The following ZNF385D variants were observed in gnomAD, a reference collection of about 807,000 sequenced individuals.
ZNF385D encodes zinc finger protein 659.
Under a neutral mutation model 35.8 loss-of-function variants are expected in ZNF385D, and 15 were observed. That is an observed-to-expected ratio of 0.42 (90% CI 0.28 to 0.64). The LOEUF (loss-of-function observed/expected upper bound fraction) is 0.64. Ranked by LOEUF, ZNF385D falls within the 30% of genes least tolerant of loss-of-function variation. The pLI is 0.23. For missense variants in ZNF385D, 474 were observed against 494.6 expected (o/e 0.96, Z 0.39); for synonymous variants, 212 against 186.8 (o/e 1.13, Z -1.10).
rs576878860 is a variant in ZNF385D at position 21,897,537 on chromosome 3, G to A, written c.326-232509C>T. On this transcript the variant is annotated intron_variant, in intron 3 of 5. Coordinates refer to the ZNF385D transcript ENST00000494108. ...ATTTCTCCTTACTATTTTATATAGG[G>A]TGTGCTGATTGTGGCTAACTCTCAT... is the stretch of plus-strand genomic sequence containing the variant. Among the ~76,000 whole-genome samples the A allele has an allele frequency of 2.8e-4, 43 of 152,106 alleles. No individual in the cohort carries two copies. The South Asian group carries it at 6.2e-3, about 22-fold the overall frequency.
rs113101913 is a variant in ZNF385D, at chr3:21,420,788, C to CTT, written c.*424_*425dup. 16 of 156,224 alleles carry CTT rather than the reference C, an allele frequency of 1.0e-4. No individual in the cohort carries two copies. Among genetic ancestry groups the CTT allele is most frequent in the Middle Eastern group, 3.4e-3 (1 of 296 alleles). The allele number at this position is 156,224 out of a possible 1,614,324, so 9.7% of individuals were successfully genotyped here. On this transcript the variant is annotated 3_prime_UTR_variant, in exon 8 of 8. Coordinates refer to ENST00000281523, the MANE Select transcript of ZNF385D (RefSeq NM_024697.3). ...TGTTGCTTTTGTTTTTGTTTTTTTC[C>CTT]TTTTTTTTTGTACGATTTTAATCTA...
chr3:21,963,383 G>T (rs17583756), intron 3 of ZNF385D, among the ~76,000 whole-genome samples: 21,317 of 152,142 alleles, frequency 0.14, 1,730 homozygotes, highest in Middle Eastern at 0.22. Flanking sequence ...ACGTAGAACC[G>T]CAGTAGCGTG....
intron 4 of ZNF385D, among the ~76,000 whole-genome samples, chr3:21,466,143 A>G (rs1703501302): frequency 6.6e-6 from 1 of 152,124 alleles, no homozygotes. Flanking sequence ...ATACCACCCC[A>G]TGCATCCTAA....
intron 2 of ZNF385D, among the ~76,000 whole-genome samples, chr3:22,174,919 A>C (rs1311572953): frequency 6.6e-6 from 1 of 152,056 alleles, no homozygotes; most frequent in Non-Finnish European, 1.5e-5. Flanking sequence ...ATAAAATTTA[A>C]TGTCTAAATA....
chr3:21,471,367 G>T (rs887018160), intron 4 of ZNF385D, among the ~76,000 whole-genome samples: 1 of 146,230 alleles, frequency 6.8e-6, no homozygotes, highest in Non-Finnish European at 1.5e-5. Context: ...ACTACTACTT[G>T]GTAGGATCTA....
At chr3:22,104,409 A>G (rs1702101296) in intron 3 of ZNF385D, among the ~76,000 whole-genome samples, 1 of 152,186 alleles carries the variant, frequency 6.6e-6, no homozygotes, top group South Asian at 2.1e-4. Flanking sequence ...TTAGAGGAAG[A>G]CTAATGACAT....
chr3:21,902,030 A>C (rs2125899420), intron 3 of ZNF385D, among the ~76,000 whole-genome samples: 1 of 152,290 alleles, frequency 6.6e-6, no homozygotes, highest in African/African-American at 2.4e-5. Flanking sequence ...GGTCTCCTGA[A>C]ACATGACACT....
At chr3:21,502,642 T>C (rs1287476889) in intron 4 of ZNF385D, among the ~76,000 whole-genome samples, 1 of 152,184 alleles carries the variant, frequency 6.6e-6, no homozygotes, top group Non-Finnish European at 1.5e-5. Context: ...TCATCACTGA[T>C]TCACATACAA....
intron 3 of ZNF385D, among the ~76,000 whole-genome samples, chr3:22,037,514 T>C (rs1301428020): frequency 2.0e-5 from 3 of 152,154 alleles, no homozygotes; most frequent in Non-Finnish European, 4.4e-5. Flanking sequence ...TGTCTTCTTT[T>C]GAGAAGTGTC....
chr3:21,455,737 A>C (rs1387039345), intron 4 of ZNF385D, among the ~76,000 whole-genome samples: 4 of 152,180 alleles, frequency 2.6e-5, no homozygotes, highest in Non-Finnish European at 4.4e-5. Flanking sequence ...AAATTGACAA[A>C]TGGGACCTAA....
upstream of ZNF385D, among the ~76,000 whole-genome samples, chr3:21,752,465 T>A (rs1453113223): frequency 1.3e-5 from 2 of 152,190 alleles, no homozygotes; most frequent in African/African-American, 2.4e-5. Flanking sequence ...CGATTCTATA[T>A]CTCTTGGTGG....
chr3:21,493,892 G>A (rs1705619879), intron 4 of ZNF385D, among the ~76,000 whole-genome samples: 1 of 152,124 alleles, frequency 6.6e-6, no homozygotes, highest in Admixed American at 6.6e-5. Flanking sequence ...CTCTTTCAAT[G>A]TAGGTAATCT....
At chr3:21,594,564 C>T (rs568798075) in intron 2 of ZNF385D, among the ~76,000 whole-genome samples, 8 of 152,160 alleles carry the variant, frequency 5.3e-5, no homozygotes, top group East Asian at 1.9e-4. Flanking sequence ...ATATTGTAAA[C>T]GGGATTGTGG....
chr3:22,160,090 C>T (rs1313511384), intron 3 of ZNF385D, among the ~76,000 whole-genome samples: 2 of 151,960 alleles, frequency 1.3e-5, no homozygotes, highest in African/African-American at 2.4e-5. Flanking sequence ...AAGAAGGTGC[C>T]TTGCTTCTCC....
intron 3 of ZNF385D, among the ~76,000 whole-genome samples, chr3:22,033,722 G>A (rs1698148663): frequency 6.6e-6 from 1 of 152,042 alleles, no homozygotes; most frequent in African/African-American, 2.4e-5. Flanking sequence ...CTGTGATTGA[G>A]AATAAATTAA....
chr3:21,466,342 T>A (rs1031203097), intron 4 of ZNF385D, among the ~76,000 whole-genome samples: 5 of 152,194 alleles, frequency 3.3e-5, no homozygotes, highest in Non-Finnish European at 5.9e-5. Context: ...CATATTGAAG[T>A]TTATTCTTTT....
chr3:22,364,944 G>A (rs1463140477), intron 2 of ZNF385D, among the ~76,000 whole-genome samples: 3 of 151,972 alleles, frequency 2.0e-5, no homozygotes, highest in Non-Finnish European at 2.9e-5. Context: ...TCTGACACAT[G>A]TTACAACATG....
rs141773252 is a variant in ZNF385D, at chr3:21,869,757, A to C, written c.326-204729T>G. ...ATGCCACCTATTTGGAGTACAGATT[A>C]GAATCTTATACTATAAGACAGAAAA... On this transcript the variant is annotated intron_variant, in intron 3 of 5. Coordinates refer to the ZNF385D transcript ENST00000494108. Among the ~76,000 whole-genome samples the C allele has an allele frequency of 1.7e-3, 252 of 152,248 alleles. 5 individuals carry two copies. Among genetic ancestry groups the C allele is most frequent in the African/African-American group, 5.9e-3 (244 of 41,546 alleles).
intron 2 of ZNF385D, among the ~76,000 whole-genome samples, chr3:22,223,097 T>C (rs879021132): frequency 6.6e-6 from 1 of 152,148 alleles, no homozygotes; most frequent in Admixed American, 6.6e-5. Context: ...TTAAAGTTTT[T>C]AATGTAAGAA....
Sources: allele counts gnomAD v4.1 joint callset (sites outside exome capture counted in the v4.1 genomes callset), GRCh38; gene constraint gnomAD v4.1.1; transcripts MANE v1.5; gene names NCBI Gene and HGNC (gene_info 2026-07-23, HGNC 2026-07-21).